The following PPP1R21 variants were observed in gnomAD, a reference collection of about 807,000 sequenced individuals.
PPP1R21 encodes protein phosphatase 1 regulatory subunit 21, also known as KLRAQ motif containing 1.
A neutral mutation model predicts 112.8 loss-of-function variants in PPP1R21; 85 were observed. That is an observed-to-expected ratio of 0.75 (90% CI 0.63 to 0.90). The LOEUF (loss-of-function observed/expected upper bound fraction) is 0.90, where lower values mean the gene tolerates loss of function less well. PPP1R21 is among the 40% of genes least tolerant of loss of function. The pLI, the probability that PPP1R21 is intolerant of heterozygous loss-of-function variation, is 0.00. For missense variants in PPP1R21, 1,199 were observed against 901.5 expected, an observed-to-expected ratio of 1.33 and a Z score of -4.23; for synonymous variants, 381 against 322.3, an observed-to-expected ratio of 1.18 and a Z score of -1.95.
chr2:48,504,955 A>G (rs1214984196), intron 17 of PPP1R21, among the ~76,000 whole-genome samples: 3 of 152,116 alleles, frequency 2.0e-5, no homozygotes, highest in Non-Finnish European at 4.4e-5. Flanking sequence ...GATTGCACCA[A>G]TGTAATGCAG....
rs1266487658 is a variant in PPP1R21, at chr2:48,440,988, A to T, written c.35A>T (p.Lys12Met). Residue 12 changes from lysine to methionine, a missense_variant, in exon 1 of 22, where the codon AAG becomes ATG. Lys to Met is a moderately conservative substitution (Grantham distance 95). Coordinates refer to ENST00000294952, the MANE Select transcript of PPP1R21 (RefSeq NM_001135629.3). ...GCTGAGTTGCAGGGGAAGTACCAGA[A>T]GCTGGCTCAGGAGTACTCGAAGGTA... Reference protein sequence around the residue: ...ASAELQGKYQKLAQEYSKLRA... With the variant: ...ASAELQGKYQMLAQEYSKLRA... The T allele has an allele frequency of 6.2e-7, 1 of 1,611,782 alleles. No homozygotes were observed. The highest frequency in any genetic ancestry group is 8.5e-7 in the Non-Finnish European group (1 of 1,178,426).
chr2:48,513,710 C>T (rs1055101668), intron 21 of PPP1R21, among the ~76,000 whole-genome samples: 2 of 152,174 alleles, frequency 1.3e-5, no homozygotes, highest in Non-Finnish European at 2.9e-5. Flanking sequence ...ACAAAGTAAA[C>T]ATCCTCAACC....
At chr2:48,476,847 C>G (rs980308737) in intron 12 of PPP1R21, among the ~76,000 whole-genome samples, 7 of 152,098 alleles carry the variant, frequency 4.6e-5, no homozygotes, top group African/African-American at 1.7e-4. Flanking sequence ...ATACAAGTCA[C>G]TTATTGGATA....
At position 48,445,545 on chromosome 2, in the gene PPP1R21, G is replaced by A. The variant is rs117717640; in HGVS notation, c.57+4535G>A. Reference sequence around the variant, plus strand: ...GGTGGGGCCTGAGATTCTGCCTCCAGGTAAAACTATTGCAGCTGTCCAAAG... The same window carrying A: ...GGTGGGGCCTGAGATTCTGCCTCCAAGTAAAACTATTGCAGCTGTCCAAAG... On this transcript the variant is annotated intron_variant, in intron 1 of 21. Transcript: ENST00000294952. Among the ~76,000 whole-genome samples, 24 of 152,234 alleles carry A rather than the reference G, an allele frequency of 1.6e-4. No homozygotes were observed. In the East Asian group the frequency reaches 4.4e-3, roughly 28 times the overall value.
chr2:48,454,357 A>G (rs1017181736), intron 2 of PPP1R21, among the ~76,000 whole-genome samples: 1 of 152,194 alleles, frequency 6.6e-6, no homozygotes, highest in Admixed American at 6.5e-5. Context: ...ATGTTAGTTG[A>G]TCACGATCTG....
intron 16 of PPP1R21, among the ~76,000 whole-genome samples, chr2:48,496,999 A>C (rs1199007438): frequency 6.6e-6 from 1 of 152,220 alleles, no homozygotes; most frequent in Non-Finnish European, 1.5e-5. Flanking sequence ...ACCAGTAAAC[A>C]TGTTTCCCTG....
At chr2:48,488,201 A>G (rs776825231) in intron 14 of PPP1R21, among the ~76,000 whole-genome samples, 2 of 152,110 alleles carry the variant, frequency 1.3e-5, no homozygotes, top group Admixed American at 1.3e-4. Context: ...TTACAGATCT[A>G]TGTGCAAAGG....
At chr2:48,488,153 G>A (rs1357981157) in intron 14 of PPP1R21, among the ~76,000 whole-genome samples, 1 of 152,098 alleles carries the variant, frequency 6.6e-6, no homozygotes, top group Non-Finnish European at 1.5e-5. Context: ...ATAGCTTGGG[G>A]TCATGATTAA....
At chr2:48,497,898 G>A (rs908933261) in intron 16 of PPP1R21, among the ~76,000 whole-genome samples, 3 of 151,952 alleles carry the variant, frequency 2.0e-5, no homozygotes, top group South Asian at 2.1e-4. Context: ...TGATCAGCCC[G>A]CCTCGGCCTC....
intron 17 of PPP1R21, among the ~76,000 whole-genome samples, chr2:48,505,293 A>G (rs984284024): frequency 1.3e-5 from 2 of 152,202 alleles, no homozygotes; most frequent in Admixed American, 6.5e-5. Flanking sequence ...TCTCTCCTAG[A>G]TGATTTGTTG....
At chr2:48,455,681 G>A (rs1232039257) in intron 3 of PPP1R21, among the ~76,000 whole-genome samples, 1 of 152,050 alleles carries the variant, frequency 6.6e-6, no homozygotes, top group Non-Finnish European at 1.5e-5. Context: ...CCAAGGTTGA[G>A]CAAATAAAAT....
At chr2:48,487,760 C>CA (rs199685338) in intron 14 of PPP1R21, among the ~76,000 whole-genome samples, 2,451 of 74,410 alleles carry the variant, frequency 0.033, 28 homozygotes, top group East Asian at 0.1. Flanking sequence ...GACCCTATCT[C>CA]AAAAAAAAAA....
At chr2:48,497,609 T>C (rs1349259441) in intron 16 of PPP1R21, among the ~76,000 whole-genome samples, 1 of 152,046 alleles carries the variant, frequency 6.6e-6, no homozygotes, top group African/African-American at 2.4e-5. Flanking sequence ...TTTAAATAAA[T>C]GGCAAAACTA....
At position 48,486,382 on chromosome 2, in the gene PPP1R21, G is replaced by A. The variant is rs1284257404; in HGVS notation, c.1319-249G>A. 5.3e-5 allele frequency among the ~76,000 whole-genome samples: 8 copies of A among 152,204 alleles called. No individual in the cohort carries two copies. In the South Asian group the frequency reaches 1.0e-3, roughly 20 times the overall value. Reference sequence around the variant, plus strand: ...TACCCAATGTTAGAATTAATACTCCGACGAGGAAATCTTGGTGGCTGTAGT... The same window carrying A: ...TACCCAATGTTAGAATTAATACTCCAACGAGGAAATCTTGGTGGCTGTAGT... On this transcript the variant is annotated intron_variant, in intron 13 of 21. Transcript: ENST00000294952.
At chr2:48,496,566 C>T (rs1669846983) in intron 16 of PPP1R21, among the ~76,000 whole-genome samples, 1 of 151,204 alleles carries the variant, frequency 6.6e-6, no homozygotes, top group Non-Finnish European at 1.5e-5. Flanking sequence ...CTCCTGGGTT[C>T]AAGCGATTGT....
At chr2:48,501,845 T>C (rs1337878255) in intron 17 of PPP1R21, 1 of 152,058 alleles carries the variant, frequency 6.6e-6, no homozygotes, top group African/African-American at 2.4e-5. Flanking sequence ...GATAAACTCA[T>C]TTGCTTACTG....
intron 1 of PPP1R21, among the ~76,000 whole-genome samples, chr2:48,446,740 A>C (rs940799793): frequency 6.6e-6 from 1 of 152,110 alleles, no homozygotes; most frequent in Non-Finnish European, 1.5e-5. Flanking sequence ...GGCAGGTGGG[A>C]AATGAATACA....
chr2:48,503,326 CAT>C (rs1238291187), intron 17 of PPP1R21, among the ~76,000 whole-genome samples: 1 of 152,136 alleles, frequency 6.6e-6, no homozygotes, highest in South Asian at 2.1e-4. Flanking sequence ...AATGTTAAAA[CAT>C]AAACATCCTG....
intron 13 of PPP1R21, among the ~76,000 whole-genome samples, chr2:48,483,705 G>A (rs1463390134): frequency 1.3e-5 from 2 of 152,142 alleles, no homozygotes; most frequent in African/African-American, 4.8e-5. Flanking sequence ...CAACCCAAGT[G>A]CTGGGATTAC....
Sources: allele counts gnomAD v4.1 joint callset (sites outside exome capture counted in the v4.1 genomes callset), GRCh38; gene constraint gnomAD v4.1.1; transcripts MANE v1.5; gene names NCBI Gene and HGNC (gene_info 2026-07-23, HGNC 2026-07-21).